NGFR: variants seen among roughly 807,000 people sequenced by gnomAD.
The protein encoded by NGFR is tumor necrosis factor receptor superfamily member 16.
NGFR carries 30 observed loss-of-function variants against 43.2 expected under a neutral mutation model. That is an observed-to-expected ratio of 0.69 (90% CI 0.52 to 0.94). The LOEUF (loss-of-function observed/expected upper bound fraction) is 0.94. NGFR is among the 40% of genes least tolerant of loss of function. NGFR has a pLI of 0.00. For missense variants in NGFR, 529 were observed against 602.5 expected (o/e 0.88, Z 1.28); for synonymous variants, 246 against 259.6 (o/e 0.95, Z 0.50).
intron 1 of NGFR, 63 bp from the exon 2 acceptor site, chr17:49,502,000 A>ACCGCC: frequency 3.8e-6 from 1 of 264,886 alleles, no homozygotes. Context: ...CCCCGGAAGA[A>ACCGCC]CCCCCCCCAA....
intron 3 of NGFR, 58 bp from the exon 4 acceptor site, chr17:49,510,354 G>C: frequency 6.3e-7 from 1 of 1,598,786 alleles, no homozygotes; most frequent in South Asian, 1.1e-5. Context: ...CAGTGGGTTA[G>C]AGCTAAAAGG....
chr17:49,502,000 A>AGCGCCCCCCCCCCC, intron 1 of NGFR, 63 bp from the exon 2 acceptor site: 1 of 264,886 alleles, frequency 3.8e-6, no homozygotes, highest in Non-Finnish European at 7.9e-6. Context: ...CCCCGGAAGA[A>AGCGCCCCCCCCCCC]CCCCCCCCAA....
Position 49,504,769 on chromosome 17 carries a change from C to CTTTCT in NGFR, c.209-1527_209-1526insCTTTT, listed in dbSNP as rs2071186581. On this transcript the variant is annotated intron_variant, in intron 2 of 5. Transcript: ENST00000172229. Reference sequence around the variant, plus strand: ...CTCTACCCTTTTTCTTTCTTTCTTTCTTTTTTTTTTTTTTTTTTTTTTGAC... The same window carrying CTTTCT: ...CTCTACCCTTTTTCTTTCTTTCTTTCTTTCTTTTTTTTTTTTTTTTTTTTTTTGAC... 5.1e-3 allele frequency among the ~76,000 whole-genome samples: 566 copies of CTTTCT among 110,970 alleles called. 7 individuals carry two copies. The highest frequency in any genetic ancestry group is 6.6e-3 in the South Asian group (22 of 3,350). The allele number at this position is 110,970 out of a possible 152,430, so 72.8% of individuals were successfully genotyped here.
chr17:49,513,282 C>T lies in NGFR; in HGVS notation c.*273C>T. The T allele has an allele frequency of 2.1e-6, 1 of 477,760 alleles. No homozygotes were observed. The highest frequency in any genetic ancestry group is 3.7e-6 in the Non-Finnish European group (1 of 270,130). 29.6% of individuals were successfully genotyped at this position (477,760 alleles called of 1,614,324 possible). On this transcript the variant is annotated 3_prime_UTR_variant, in exon 6 of 6. Transcript: ENST00000172229. ...CCTGCCCCGTCACCATCTCAGGCCA[C>T]CTGCCCCCTTCTCCCACACTGCTAG...
intron 3 of NGFR, among the ~76,000 whole-genome samples, chr17:49,509,793 C>T (rs1479254801): frequency 6.6e-6 from 1 of 152,182 alleles, no homozygotes; most frequent in African/African-American, 2.4e-5. Context: ...CCAGCTGCCC[C>T]CGCACCCCTC....
chr17:49,501,002 C>T (rs1230064548), intron 1 of NGFR, among the ~76,000 whole-genome samples: 1 of 152,236 alleles, frequency 6.6e-6, no homozygotes, highest in East Asian at 1.9e-4. Context: ...GCCCATACTT[C>T]TCAGCATCAA....
chr17:49,498,401 G>C (rs1488206862), intron 1 of NGFR, among the ~76,000 whole-genome samples: 1 of 152,188 alleles, frequency 6.6e-6, no homozygotes, highest in African/African-American at 2.4e-5. Context: ...GGAGTGAGGG[G>C]TATGTGCCAG....
At chr17:49,502,000 A>ACCCCCCCCCCAC in intron 1 of NGFR, 63 bp from the exon 2 acceptor site, 2 of 268,284 alleles carry the variant, frequency 7.5e-6, no homozygotes, top group South Asian at 4.6e-5. Flanking sequence ...CCCCGGAAGA[A>ACCCCCCCCCCAC]CCCCCCCCAA....
intron 1 of NGFR, among the ~76,000 whole-genome samples, chr17:49,498,424 G>C (rs1298810707): frequency 6.6e-6 from 1 of 152,104 alleles, no homozygotes; most frequent in Non-Finnish European, 1.5e-5. Context: ...CCTCCCCTGG[G>C]TTTGCATCGA....
At chr17:49,509,583 G>A (rs972863376) in intron 3 of NGFR, among the ~76,000 whole-genome samples, 1 of 152,214 alleles carries the variant, frequency 6.6e-6, no homozygotes, top group African/African-American at 2.4e-5. Context: ...GCAAGTCACA[G>A]TCTCCCCCCG....
chr17:49,500,418 TCCAGCTCCCTC>T (rs1436056768), intron 1 of NGFR, among the ~76,000 whole-genome samples: 2 of 152,118 alleles, frequency 1.3e-5, no homozygotes, highest in Non-Finnish European at 2.9e-5. Flanking sequence ...CCTGGGGCAA[TCCAGCTCCCTC>T]AGGGAGCTGA....
chr17:49,497,981 T>C (rs2071148671), intron 1 of NGFR, among the ~76,000 whole-genome samples: 1 of 152,214 alleles, frequency 6.6e-6, no homozygotes, highest in Non-Finnish European at 1.5e-5. Flanking sequence ...ACTAAGTGCC[T>C]TGCACTTCCC....
chr17:49,502,375 G>A (rs997324088), intron 2 of NGFR, among the ~76,000 whole-genome samples, 171 bp downstream of exon 2: 1 of 152,122 alleles, frequency 6.6e-6, no homozygotes, highest in Non-Finnish European at 1.5e-5. Context: ...TCCCAGATTC[G>A]AGAAGCTGAG....
At chr17:49,502,443 G>T (rs891284755) in intron 2 of NGFR, among the ~76,000 whole-genome samples, 1 of 152,190 alleles carries the variant, frequency 6.6e-6, no homozygotes, top group Non-Finnish European at 1.5e-5. Flanking sequence ...ATCTCCAAGG[G>T]GTGCCCATTC....
intron 4 of NGFR, among the ~76,000 whole-genome samples, chr17:49,511,524 T>TTG (rs780102397): frequency 2.4e-4 from 37 of 152,068 alleles, no homozygotes; most frequent in Non-Finnish European, 5.0e-4. Context: ...CATTTGTTTT[T>TTG]TTTTTTTTTC....
intron 2 of NGFR, 66 bp from the exon 3 acceptor site, chr17:49,506,233 C>T: frequency 6.6e-7 from 1 of 1,506,236 alleles, no homozygotes; most frequent in East Asian, 2.3e-5. Context: ...GAGGGAGAGA[C>T]TCCAGCTCCT....
Position 49,513,080 on chromosome 17 carries a change from C to T in NGFR, c.*71C>T, listed in dbSNP as rs1271273629. ...TGCTCCAGCCAACCCCTGTGGAGCC[C>T]GCACCCCCACCCTTTGGGGGGGGCC... is the stretch of plus-strand genomic sequence containing the variant. On this transcript the variant is annotated 3_prime_UTR_variant, in exon 6 of 6. Transcript: ENST00000172229. 4.2e-6 allele frequency: 6 copies of T among 1,415,712 alleles called. No homozygotes were observed. The highest frequency in any genetic ancestry group is 2.9e-5 in the South Asian group (2 of 68,834). 87.7% of individuals were successfully genotyped at this position (1,415,712 alleles called of 1,614,324 possible).
At chr17:49,502,237 G>C in intron 2 of NGFR, 33 bp downstream of exon 2, 1 of 1,569,322 alleles carries the variant, frequency 6.4e-7, no homozygotes, top group South Asian at 1.1e-5. Context: ...GAGGAGGGGA[G>C]AAGAATGGGA....
chr17:49,506,325 G>A lies in NGFR; in HGVS notation c.235G>A (p.Ala79Thr), dbSNP rs2071196854. 6.4e-7 allele frequency: 1 copy of A among 1,572,460 alleles called. No homozygotes were observed. The highest frequency in any genetic ancestry group is 8.6e-7 in the Non-Finnish European group (1 of 1,160,272). Residue 79 changes from alanine to threonine, a missense_variant, in exon 3 of 6, where the codon GCG becomes ACG. Transcript: ENST00000172229. ...CGTGACGTTCTCCGACGTGGTGAGC[G>A]CGACCGAGCCGTGCAAGCCGTGCAC... is the stretch of plus-strand genomic sequence containing the variant. ...DSVTFSDVVS[A>T]TEPCKPCTEC...
Sources: gnomAD v4.1 joint callset for allele counts (sites outside exome capture counted in the v4.1 genomes callset) on GRCh38, gnomAD v4.1.1 for gene constraint, MANE v1.5 for transcripts, NCBI Gene and HGNC (gene_info 2026-07-23, HGNC 2026-07-21) for gene names.